PGM1: variants seen among roughly 807,000 people sequenced by gnomAD.
The protein encoded by PGM1 is phosphoglucomutase 1.
PGM1 carries 52 observed loss-of-function variants against 55.6 expected under a neutral mutation model. That is an observed-to-expected ratio of 0.94 (90% CI 0.75 to 1.18). The LOEUF (loss-of-function observed/expected upper bound fraction) is 1.18, where lower values mean the gene tolerates loss of function less well. PGM1 is among the 50% of genes most tolerant of loss of function. The pLI is 0.00. For synonymous variants in PGM1, 287 were observed against 271.7 expected, an observed-to-expected ratio of 1.06 and a Z score of -0.55; for missense variants, 724 against 729.3, an observed-to-expected ratio of 0.99 and a Z score of 0.08.
At chr1:63,617,008 T>C (rs1270929708) in intron 1 of PGM1, among the ~76,000 whole-genome samples, 1 of 152,202 alleles carries the variant, frequency 6.6e-6, no homozygotes, top group East Asian at 1.9e-4. Flanking sequence ...GGTGCTAAGC[T>C]CTTTACATTT....
chr1:63,648,843 G>A (rs960257373), intron 8 of PGM1, among the ~76,000 whole-genome samples, 191 bp downstream of exon 8: 1 of 152,204 alleles, frequency 6.6e-6, no homozygotes, highest in South Asian at 2.1e-4. Flanking sequence ...GCCATAAAGA[G>A]TGAGGCTTTA....
At chr1:63,601,814 C>G (rs560968677) in intron 1 of PGM1, among the ~76,000 whole-genome samples, 188 of 152,280 alleles carry the variant, frequency 1.2e-3, no homozygotes, top group Non-Finnish European at 2.3e-3. Context: ...TGGAAGTCCT[C>G]CTTCCCATAG....
chr1:63,616,999 G>T (rs1648732204), intron 1 of PGM1, among the ~76,000 whole-genome samples: 1 of 152,202 alleles, frequency 6.6e-6, no homozygotes, highest in South Asian at 2.1e-4. Context: ...GAACCAGCTG[G>T]TGCTAAGCTC....
chr1:63,600,908 ATG>A (rs1326315044), intron 1 of PGM1, among the ~76,000 whole-genome samples: 1 of 152,214 alleles, frequency 6.6e-6, no homozygotes, highest in Admixed American at 6.5e-5. Flanking sequence ...GGATAATAAG[ATG>A]TGTAATCAAC....
Position 63,638,689 on chromosome 1 carries a change from G to A in PGM1, c.1033G>A (p.Ala345Thr), listed in dbSNP as rs1201734178. 1 of 1,610,114 alleles carries A rather than the reference G, an allele frequency of 6.2e-7. No homozygotes were observed. Among genetic ancestry groups the A allele is most frequent in the East Asian group, 2.2e-5 (1 of 44,856 alleles). ...TTTGATTTCATGCCTTTGAAGGGTGGCTAGTGCTACAAAGATTGCTTTGTA... is the reference window on the plus strand; with the variant it reads ...TTTGATTTCATGCCTTTGAAGGGTGACTAGTGCTACAAAGATTGCTTTGTA... ...MPTSGALDRV[A>T]SATKIALYET... The change falls in exon 7 of 11, where the codon GCT becomes ACT. Residue 345 changes from alanine to threonine, a missense_variant. Coordinates refer to ENST00000371084, the MANE Select transcript of PGM1 (RefSeq NM_002633.3).
rs1161161385 is a variant in PGM1, at chr1:63,615,550, C to CTTTTTTTTTTTTTTTTTTTTTTT, written c.247-13867_247-13845dup. Among the ~76,000 whole-genome samples the CTTTTTTTTTTTTTTTTTTTTTTT allele has an allele frequency of 1.4e-4, 9 of 62,986 alleles. 2 individuals are homozygous for CTTTTTTTTTTTTTTTTTTTTTTT. Among genetic ancestry groups the CTTTTTTTTTTTTTTTTTTTTTTT allele is most frequent in the African/African-American group, 6.1e-4 (9 of 14,826 alleles). The allele number at this position is 62,986 out of a possible 152,430, so 41.3% of individuals were successfully genotyped here. A position where few individuals can be genotyped will look rare whatever the true frequency, so the allele number is the denominator to read the frequency against. ...CCATTTCTCTCCTCTTCTTCTTCTTCTTTTTTTTTTTTTTTTTTTTTTTTT... is the reference window on the plus strand; with the variant it reads ...CCATTTCTCTCCTCTTCTTCTTCTTCTTTTTTTTTTTTTTTTTTTTTTTTTTTTTTTTTTTTTTTTTTTTTTTT... On this transcript the variant is annotated intron_variant, in intron 1 of 10. Transcript: ENST00000371084.
intron 10 of PGM1, among the ~76,000 whole-genome samples, chr1:63,657,968 G>C (rs552476870): frequency 6.6e-6 from 1 of 152,216 alleles, no homozygotes; most frequent in Non-Finnish European, 1.5e-5. Flanking sequence ...TTCAAAGAGT[G>C]AATGAAATTT....
At chr1:63,646,718 C>A (rs893578659) in intron 7 of PGM1, among the ~76,000 whole-genome samples, 4 of 152,108 alleles carry the variant, frequency 2.6e-5, no homozygotes, top group Non-Finnish European at 5.9e-5. Flanking sequence ...GATTTTTACA[C>A]CTTTTGTCAA....
chr1:63,595,372 A>G lies in PGM1; in HGVS notation c.246+1638A>G, dbSNP rs187583989. On this transcript the variant is annotated intron_variant, in intron 1 of 10. Coordinates refer to ENST00000371084, the MANE Select transcript of PGM1 (RefSeq NM_002633.3). ...GTCCAATATAGATCTGCCAATCCCA[A>G]GAACTTGAACAGCTCCTGAGAATGA... Among the ~76,000 whole-genome samples the G allele has an allele frequency of 1.1e-3, 161 of 152,354 alleles. 2 individuals are homozygous for G. The highest frequency in any genetic ancestry group is 3.6e-3 in the African/African-American group (150 of 41,580).
At chr1:63,596,364 C>T (rs1189956191) in intron 1 of PGM1, among the ~76,000 whole-genome samples, 5 of 148,012 alleles carry the variant, frequency 3.4e-5, no homozygotes, top group South Asian at 2.2e-4. Flanking sequence ...TCAAGCAATT[C>T]GCCTGCCTTA....
At chr1:63,607,103 T>TA (rs1375578322) in intron 1 of PGM1, among the ~76,000 whole-genome samples, 2 of 152,148 alleles carry the variant, frequency 1.3e-5, no homozygotes, top group African/African-American at 4.8e-5. Flanking sequence ...AGAAACCCCT[T>TA]ACATTAGCAG....
chr1:63,603,381 A>G (rs1467493528), intron 1 of PGM1, among the ~76,000 whole-genome samples: 2 of 152,250 alleles, frequency 1.3e-5, no homozygotes, highest in African/African-American at 4.8e-5. Context: ...TATGTGGAGT[A>G]GGGAAGTGCG....
chr1:63,640,780 T>A (rs1039352243), intron 7 of PGM1, among the ~76,000 whole-genome samples: 2 of 152,180 alleles, frequency 1.3e-5, no homozygotes, highest in Non-Finnish European at 2.9e-5. Context: ...CATCTTTGTT[T>A]CCTCCAGTCA....
rs746194486 is a variant in PGM1 at position 63,593,439 on chromosome 1, C to T, written c.-50C>T. ...GCAGCTGCAGCCTCAGCCGGCCGCC[C>T]CTCCGCCAGCCAAGTCCGCCGCTCT... On this transcript the variant is annotated 5_prime_UTR_variant, in exon 1 of 11. Transcript: ENST00000371084. The T allele has an allele frequency of 6.2e-6, 10 of 1,611,158 alleles. No individual in the cohort carries two copies. In the East Asian group the frequency reaches 1.1e-4, roughly 18 times the overall value.
chr1:63,596,400 G>A (rs1481060784), intron 1 of PGM1, among the ~76,000 whole-genome samples: 7 of 151,604 alleles, frequency 4.6e-5, no homozygotes, highest in African/African-American at 1.7e-4. Flanking sequence ...GGGATGACAG[G>A]CATGCACCAC....
In PGM1 at chr1:63,634,965, G is replaced by A. The variant is rs774885325; in HGVS notation, c.819G>A (p.Val273=). The A allele has an allele frequency of 6.2e-7, 1 of 1,613,954 alleles. No individual in the cohort carries two copies. The highest frequency in any genetic ancestry group is 8.5e-7 in the Non-Finnish European group (1 of 1,180,012). ...DPNLTYAADL[V]ETMKSGEHDF... ...ACCTCACCTATGCAGCTGACCTGGT[G>A]GAGACCATGAAGTCAGGAGAGCATG... Residue 273 remains valine, a synonymous_variant, in exon 5 of 11, where the codon GTG becomes GTA. Transcript: ENST00000371084.
At chr1:63,597,930 G>GCAAA (rs1361745029) in intron 1 of PGM1, among the ~76,000 whole-genome samples, 2 of 152,114 alleles carry the variant, frequency 1.3e-5, no homozygotes, top group Non-Finnish European at 2.9e-5. Context: ...CGGCTCCTTT[G>GCAAA]CTACTCATTT....
At chr1:63,618,973 C>T (rs1269943580) in intron 1 of PGM1, among the ~76,000 whole-genome samples, 1 of 152,194 alleles carries the variant, frequency 6.6e-6, no homozygotes, top group Non-Finnish European at 1.5e-5. Context: ...CGAGTTGGAT[C>T]CTGCATAGCT....
At position 63,639,491 on chromosome 1, in the gene PGM1, G is replaced by A. The variant is rs533303147; in HGVS notation, c.1144+691G>A. 1.7e-4 allele frequency among the ~76,000 whole-genome samples: 26 copies of A among 151,654 alleles called. No individual in the cohort carries two copies. The East Asian group carries it at 2.7e-3, about 16-fold the overall frequency. The stretch of plus-strand genomic sequence containing the variant: ...TGACCCGAACTCCCACCTCCTTCAC[G>A]ACCTTCTCTGCTACCTCATGCTGCC... On this transcript the variant is annotated intron_variant, in intron 7 of 10. Coordinates refer to ENST00000371084, the MANE Select transcript of PGM1 (RefSeq NM_002633.3).
Sources: gnomAD v4.1 joint callset for allele counts (sites outside exome capture counted in the v4.1 genomes callset) on GRCh38, gnomAD v4.1.1 for gene constraint, MANE v1.5 for transcripts, NCBI Gene and HGNC (gene_info 2026-07-23, HGNC 2026-07-21) for gene names.